The following TRPS1 variants were observed in gnomAD, a reference collection of about 807,000 sequenced individuals.
The protein encoded by TRPS1 is zinc finger transcription factor Trps1.
TRPS1 carries 6 observed loss-of-function variants against 101.2 expected under a neutral mutation model. The ratio of observed to expected loss-of-function variants is 0.06; its 90% CI spans 0.03 to 0.12. The LOEUF is 0.12. Among genes scored for constraint, TRPS1 ranks in the 10% least tolerant of loss-of-function variants. The pLI is 1.00. For synonymous variants in TRPS1, 578 were observed against 589.8 expected (o/e 0.98, Z 0.29); for missense variants, 1,363 against 1,567.0 (o/e 0.87, Z 2.20).
At chr8:115,588,580 A>T (rs1156494975) in intron 4 of TRPS1, among the ~76,000 whole-genome samples, 1 of 152,244 alleles carries the variant, frequency 6.6e-6, no homozygotes, top group Non-Finnish European at 1.5e-5. Context: ...TTAAAAAAGA[A>T]GAACAGAAGT....
intron 5 of TRPS1, among the ~76,000 whole-genome samples, chr8:115,434,625 G>C (rs139242923): frequency 6.6e-6 from 1 of 152,144 alleles, no homozygotes; most frequent in African/African-American, 2.4e-5. Flanking sequence ...TTTTAACTTG[G>C]CAATATTGGT....
chr8:115,478,702 G>A (rs750657479), intron 5 of TRPS1, among the ~76,000 whole-genome samples: 3 of 151,714 alleles, frequency 2.0e-5, no homozygotes, highest in Non-Finnish European at 4.4e-5. Flanking sequence ...TACTTGGGTG[G>A]CTGAAGCAGA....
Position 115,418,206 on chromosome 8 carries a change from G to A in TRPS1, c.2823+124C>T, listed in dbSNP as rs930026059. On this transcript the variant is annotated intron_variant, in intron 6 of 6. Transcript: ENST00000395715. This position sits in a 1 kb window ranked among gnomAD's most constrained non-coding sequence, Gnocchi z 4.3. ...CATAAATCACATGTGCACTCAAAGT[G>A]ACTGTATTAAAACAACCCTGCGGGG... is the stretch of plus-strand genomic sequence containing the variant. The A allele has an allele frequency of 1.1e-4, 173 of 1,514,782 alleles. No homozygotes were observed. Among genetic ancestry groups the A allele is most frequent in the Non-Finnish European group, 1.5e-4 (164 of 1,095,818 alleles). 93.8% of individuals were successfully genotyped at this position (1,514,782 alleles called of 1,614,324 possible).
intron 1 of TRPS1, among the ~76,000 whole-genome samples, chr8:115,630,799 C>G (rs1000169999): frequency 4.6e-5 from 7 of 151,916 alleles, no homozygotes; most frequent in Non-Finnish European, 1.0e-4. Context: ...TAGGTGCAGA[C>G]CTAGCACATG....
intron 5 of TRPS1, among the ~76,000 whole-genome samples, chr8:115,537,817 C>T (rs1170896901): frequency 6.6e-6 from 1 of 152,180 alleles, no homozygotes; most frequent in Non-Finnish European, 1.5e-5. Flanking sequence ...AACTTAAAAA[C>T]TGGACAATTA....
rs773091182 is a variant in TRPS1, at chr8:115,587,076, C to T, written c.2625G>A (p.Lys875=). The change falls in exon 5 of 7, where the codon AAG becomes AAA. Residue 875 remains lysine, a synonymous_variant. Coordinates refer to ENST00000395715, the MANE Select transcript of TRPS1 (RefSeq NM_014112.5). ...FLQGAPAGGE[K]SGALPQQYPA... Reference sequence around the variant, plus strand: ...GATACTGCTGGGGGAGGGCCCCAGACTTCTCTCCGCCAGCTGGCGCCCCCT... The same window carrying T: ...GATACTGCTGGGGGAGGGCCCCAGATTTCTCTCCGCCAGCTGGCGCCCCCT... The T allele has an allele frequency of 1.9e-6, 3 of 1,614,034 alleles. No homozygotes were observed. The highest frequency in any genetic ancestry group is 2.2e-5 in the East Asian group (1 of 44,888).
At position 115,412,917 on chromosome 8, in the gene TRPS1, G is replaced by A. The variant is rs1400432862; in HGVS notation, c.*1106C>T. 2.0e-5 allele frequency: 3 copies of A among 152,550 alleles called. No homozygotes were observed. The highest frequency in any genetic ancestry group is 7.2e-5 in the African/African-American group (3 of 41,456). The allele number at this position is 152,550 out of a possible 1,614,324, so 9.4% of individuals were successfully genotyped here. Reference sequence around the variant, plus strand: ...TTAACTAAATCTGTATACATTTAATGAAGGGATTGGCTGGTACATATACCA... The same window carrying A: ...TTAACTAAATCTGTATACATTTAATAAAGGGATTGGCTGGTACATATACCA... On this transcript the variant is annotated 3_prime_UTR_variant, in exon 7 of 7. Coordinates refer to ENST00000395715, the MANE Select transcript of TRPS1 (RefSeq NM_014112.5).
At chr8:115,511,635 C>CA (rs1214004630) in intron 5 of TRPS1, among the ~76,000 whole-genome samples, 3 of 151,852 alleles carry the variant, frequency 2.0e-5, no homozygotes, top group Non-Finnish European at 4.4e-5. Context: ...AGCGACCTGA[C>CA]AAAGATCTGA....
intron 5 of TRPS1, among the ~76,000 whole-genome samples, chr8:115,564,537 A>G (rs1376875777): frequency 3.3e-5 from 5 of 152,146 alleles, no homozygotes; most frequent in Non-Finnish European, 7.4e-5. Flanking sequence ...TGACAATTCT[A>G]TGTCATGTGA....
intron 5 of TRPS1, among the ~76,000 whole-genome samples, chr8:115,555,100 T>A (rs1457969948): frequency 6.6e-6 from 1 of 152,188 alleles, no homozygotes; most frequent in African/African-American, 2.4e-5. Flanking sequence ...TAGAAGCTAC[T>A]AACTGTCAAA....
chr8:115,642,564 G>A (rs1386072835), intron 1 of TRPS1, among the ~76,000 whole-genome samples: 1 of 151,692 alleles, frequency 6.6e-6, no homozygotes, highest in African/African-American at 2.4e-5. Flanking sequence ...TGAAACTTGT[G>A]AATTTTATAA....
intron 5 of TRPS1, among the ~76,000 whole-genome samples, chr8:115,493,747 T>G (rs907929160): frequency 6.6e-6 from 1 of 152,208 alleles, no homozygotes; most frequent in Non-Finnish European, 1.5e-5. Context: ...TAATTTGACT[T>G]AAAGATTTGC....
chr8:115,584,002 AC>A (rs1359599645), intron 5 of TRPS1, among the ~76,000 whole-genome samples: 1 of 152,062 alleles, frequency 6.6e-6, no homozygotes, highest in African/African-American at 2.4e-5. Flanking sequence ...TTTGAGAAGT[AC>A]AGCAAACTTT....
chr8:115,471,611 T>C (rs1280042763), intron 5 of TRPS1, among the ~76,000 whole-genome samples: 1 of 152,128 alleles, frequency 6.6e-6, no homozygotes, highest in Non-Finnish European at 1.5e-5. Context: ...TTCCCCAATG[T>C]CTTATCCAGC....
intron 5 of TRPS1, among the ~76,000 whole-genome samples, chr8:115,431,230 A>C (rs1230308035): frequency 2.0e-5 from 3 of 152,180 alleles, no homozygotes; most frequent in African/African-American, 4.8e-5. Flanking sequence ...TGAATAATTC[A>C]ATAGACATTA....
At chr8:115,564,543 T>C (rs530548397) in intron 5 of TRPS1, among the ~76,000 whole-genome samples, 1 of 152,260 alleles carries the variant, frequency 6.6e-6, no homozygotes, top group Non-Finnish European at 1.5e-5. Context: ...TTCTATGTCA[T>C]GTGACTAGAC....
At chr8:115,529,284 T>C (rs1268036007) in intron 5 of TRPS1, among the ~76,000 whole-genome samples, 1 of 151,956 alleles carries the variant, frequency 6.6e-6, no homozygotes, top group East Asian at 1.9e-4. Flanking sequence ...ATATGTAAAA[T>C]CTAAGTGTAG....
At position 115,491,121 on chromosome 8, in the gene TRPS1, T is replaced by G. The variant is rs1259743995; in HGVS notation, c.2701-72669A>C. The stretch of plus-strand genomic sequence containing the variant: ...CTGGGAGACAAACAAAGGAGACATC[T>G]AAACCCTTTACCTTGTAATAATTAG... On this transcript the variant is annotated intron_variant, in intron 5 of 6. Transcript: ENST00000395715. Among the ~76,000 whole-genome samples the G allele has an allele frequency of 4.6e-5, 7 of 152,330 alleles. No individual in the cohort carries two copies. The East Asian group carries it at 1.4e-3, about 29-fold the overall frequency.
rs530295214 is a variant in TRPS1, at chr8:115,467,450, A to G, written c.2701-48998T>C. Among the ~76,000 whole-genome samples the G allele has an allele frequency of 2.6e-5, 4 of 151,912 alleles. No homozygotes were observed. In the South Asian group the frequency reaches 6.2e-4, roughly 24 times the overall value. On this transcript the variant is annotated intron_variant, in intron 5 of 6. Transcript: ENST00000395715. Reference sequence around the variant, plus strand: ...TTTTGTTAAAAAAAAAAAAAAAGTCAGTATCTCTATTTTGCCTTTTGTACC... The same window carrying G: ...TTTTGTTAAAAAAAAAAAAAAAGTCGGTATCTCTATTTTGCCTTTTGTACC...
Sources: allele counts gnomAD v4.1 joint callset (sites outside exome capture counted in the v4.1 genomes callset), GRCh38; gene constraint gnomAD v4.1.1; non-coding constraint Gnocchi (gnomAD v3.1); transcripts MANE v1.5; gene names NCBI Gene and HGNC (gene_info 2026-07-23, HGNC 2026-07-21).